TPM2: variants seen among roughly 807,000 people sequenced by gnomAD.
TPM2 encodes tropomyosin 2, also known as tropomyosin beta chain.
TPM2 carries 26 observed loss-of-function variants against 41.0 expected under a neutral mutation model. The ratio of observed to expected loss-of-function variants is 0.63; its 90% CI spans 0.46 to 0.88. The LOEUF is 0.88. Among genes scored for constraint, TPM2 ranks in the 40% least tolerant of loss-of-function variants. TPM2 has a pLI of 0.00. For missense variants in TPM2, 187 were observed against 355.2 expected (o/e 0.53, Z 3.81); for synonymous variants, 143 against 139.3 (o/e 1.03, Z -0.19).
Position 35,683,251 on chromosome 9 carries a change from G to GT in TPM2, c.773-11dup. On this transcript the variant is annotated splice_polypyrimidine_tract_variant and intron_variant, in intron 8 of 8. Coordinates refer to ENST00000645482, the MANE Select transcript of TPM2 (RefSeq NM_003289.4). ...TGGGCATAGACTTCATCTGGGGGGG[G>GT]TCCAGGGAGGGGACCAGGTGGGAGT... 1 of 1,547,878 alleles carries GT rather than the reference G, an allele frequency of 6.5e-7. No individual in the cohort carries two copies. The highest frequency in any genetic ancestry group is 8.8e-7 in the Non-Finnish European group (1 of 1,142,630).
At position 35,689,163 on chromosome 9, in the gene TPM2, C is replaced by T. The variant is rs746060832; in HGVS notation, c.223G>A (p.Glu75Lys). The T allele has an allele frequency of 4.3e-6, 7 of 1,614,204 alleles. No homozygotes were observed. Among genetic ancestry groups the T allele is most frequent in the South Asian group, 1.1e-5 (1 of 91,088 alleles). The change falls in exon 2 of 9, where the codon GAG becomes AAG. Residue 75 changes from glutamate (E) to lysine (K), a missense_variant. Transcript: ENST00000645482. ...KEAQEKLEQA[E>K]KKATDAEADV... ...ACACTCACATCAGTGGCCTTCTTCTCGGCCTGCTCCAGTTTCTCCTGGGCC... is the reference window on the plus strand; with the variant it reads ...ACACTCACATCAGTGGCCTTCTTCTTGGCCTGCTCCAGTTTCTCCTGGGCC...
chr9:35,685,896 G>C lies in TPM2; in HGVS notation c.241-116C>G. The C allele has an allele frequency of 2.0e-6, 3 of 1,528,534 alleles. No homozygotes were observed. The highest frequency in any genetic ancestry group is 1.8e-5 in the Admixed American group (1 of 55,906). 94.7% of individuals were successfully genotyped at this position (1,528,534 alleles called of 1,614,324 possible). A position where few individuals can be genotyped will look rare whatever the true frequency, so the allele number is the denominator to read the frequency against. On this transcript the variant is annotated intron_variant, in intron 2 of 8. Coordinates refer to ENST00000645482, the MANE Select transcript of TPM2 (RefSeq NM_003289.4). This position sits in a 1 kb window ranked among gnomAD's most constrained non-coding sequence, Gnocchi z 5.0. ...AAGAACTGAGGCTTCCTGGTTTCTAGACATTCTATGTGATTTTTCCCCAAC... is the reference window on the plus strand; with the variant it reads ...AAGAACTGAGGCTTCCTGGTTTCTACACATTCTATGTGATTTTTCCCCAAC...
Position 35,689,179 on chromosome 9 carries a change from C to A in TPM2, c.207G>T (p.Glu69Asp), listed in dbSNP as rs1482939090. The A allele has an allele frequency of 6.2e-7, 1 of 1,614,058 alleles. No homozygotes were observed. The highest frequency in any genetic ancestry group is 8.5e-7 in the Non-Finnish European group (1 of 1,180,024). Residue 69 changes from glutamate to aspartate, a missense_variant, in exon 2 of 9, where the codon GAG becomes GAT. Glu to Asp is a conservative substitution (Grantham distance 45). Transcript: ENST00000645482. Reference protein sequence around the residue: ...KYSESVKEAQEKLEQAEKKAT... With the variant: ...KYSESVKEAQDKLEQAEKKAT... ...CCTTCTTCTCGGCCTGCTCCAGTTT[C>A]TCCTGGGCCTCCTTCACGGATTCAG...
At chr9:35,687,431 TGGAAA>T (rs1352083314) in intron 2 of TPM2, among the ~76,000 whole-genome samples, 3 of 148,178 alleles carry the variant, frequency 2.0e-5, no homozygotes, top group African/African-American at 7.5e-5. Context: ...GATTTCAGAG[TGGAAA>T]GGAGAGAGGA....
At chr9:35,684,643 C>G (rs992212097) in intron 6 of TPM2, 89 bp downstream of exon 6, 2 of 1,613,132 alleles carry the variant, frequency 1.2e-6, no homozygotes, top group East Asian at 4.5e-5. Context: ...ATCTTGCCTC[C>G]GTTGAACACC....
At chr9:35,687,984 G>A (rs534163131) in intron 2 of TPM2, among the ~76,000 whole-genome samples, 3 of 152,266 alleles carry the variant, frequency 2.0e-5, no homozygotes, top group South Asian at 4.1e-4. Flanking sequence ...AAGGTCACCA[G>A]GAAGCTTGGG....
chr9:35,684,337 G>A, intron 7 of TPM2, 22 bp from the exon 8 acceptor site: 1 of 1,614,014 alleles, frequency 6.2e-7, no homozygotes, highest in Non-Finnish European at 8.5e-7. Context: ...GGCAGGATGG[G>A]AGAAATGGCA....
chr9:35,684,611 T>C lies in TPM2; in HGVS notation c.640-61A>G, dbSNP rs926684222. 1.2e-5 allele frequency: 20 copies of C among 1,613,476 alleles called. No individual in the cohort carries two copies. In the East Asian group the frequency reaches 4.2e-4, roughly 34 times the overall value. On this transcript the variant is annotated intron_variant, in intron 6 of 8. Transcript: ENST00000645482. ...TACCACAGATCCTTCATTTCTCCAT[T>C]GTACCCCGTAGGCTCCTGGTCATCT...
In TPM2 at chr9:35,685,834, C is replaced by G. The variant is rs886805660; in HGVS notation, c.241-54G>C. ...GGCCTTGTTAGCCTTGGATAAGGATCAGAGAGGCTCCAGAGGATGGCGAGA... is the reference window on the plus strand; with the variant it reads ...GGCCTTGTTAGCCTTGGATAAGGATGAGAGAGGCTCCAGAGGATGGCGAGA... On this transcript the variant is annotated intron_variant, in intron 2 of 8. Coordinates refer to ENST00000645482, the MANE Select transcript of TPM2 (RefSeq NM_003289.4). This position sits in a 1 kb window ranked among gnomAD's most constrained non-coding sequence, Gnocchi z 5.0. 97 of 1,612,730 alleles carry G rather than the reference C, an allele frequency of 6.0e-5. No individual in the cohort carries two copies. Among genetic ancestry groups the G allele is most frequent in the African/African-American group, 1.9e-4 (14 of 74,892 alleles).
intron 2 of TPM2, chr9:35,686,237 C>T (rs552052426): frequency 1.1e-3 from 268 of 239,414 alleles, no homozygotes; most frequent in African/African-American, 1.2e-3. Flanking sequence ...GTAAAAAGAA[C>T]GAAACTCCAT....
chr9:35,683,179 T>G lies in TPM2; in HGVS notation c.835A>C (p.Asn279His). Residue 279 changes from asparagine (N) to histidine (H), a missense_variant, in exon 9 of 9, where the codon AAT (asparagine) becomes CAT (histidine). Transcript: ENST00000645482. ...GGGGCTCAGAGGGAGGTGATGTCAT[T>G]GAGTGCGTTGTCCAGTTCCTCGCTA... is the stretch of plus-strand genomic sequence containing the variant. ...AISEELDNALNDITSL is the reference protein window; with the variant it reads ...AISEELDNALHDITSL 5 of 1,556,860 alleles carry G rather than the reference T, an allele frequency of 3.2e-6. No homozygotes were observed. Among genetic ancestry groups the G allele is most frequent in the Non-Finnish European group, 4.4e-6 (5 of 1,148,972 alleles).
chr9:35,689,031 C>T, intron 2 of TPM2, 115 bp downstream of exon 2: 6 of 1,263,412 alleles, frequency 4.7e-6, no homozygotes, highest in Non-Finnish European at 6.9e-6. Flanking sequence ...AACCATTTCT[C>T]TCCTGGCGCT....
rs1825134949 is a variant in TPM2, at chr9:35,689,587, C to T, written c.114+117G>A. 3.8e-6 allele frequency: 6 copies of T among 1,570,888 alleles called. No individual in the cohort carries two copies. The Admixed American group carries it at 1.0e-4, about 27-fold the overall frequency. ...CTGAGGGTACTGCGAAGGCCCAGCC[C>T]CCACCCTGGGTGAGAGAGAGCCTTG... On this transcript the variant is annotated intron_variant, in intron 1 of 8. Transcript: ENST00000645482.
At chr9:35,689,653 A>G (rs780379102) in intron 1 of TPM2, 51 bp downstream of exon 1, 2 of 1,605,594 alleles carry the variant, frequency 1.2e-6, no homozygotes, top group Non-Finnish European at 8.5e-7. Context: ...GCAGCGGCCC[A>G]CCCTTGCCCT....
chr9:35,683,995 T>C lies in TPM2; in HGVS notation c.772+251A>G, dbSNP rs897048795. 20 of 514,458 alleles carry C rather than the reference T, an allele frequency of 3.9e-5. No individual in the cohort carries two copies. The Admixed American group carries it at 6.3e-4, about 16-fold the overall frequency. 31.9% of individuals were successfully genotyped at this position (514,458 alleles called of 1,614,324 possible). A position where few individuals can be genotyped will look rare whatever the true frequency, so the allele number is the denominator to read the frequency against. On this transcript the variant is annotated intron_variant, in intron 8 of 8. Coordinates refer to ENST00000645482, the MANE Select transcript of TPM2 (RefSeq NM_003289.4). ...AGTCAGCAATCTCTTTGGGGCAGAG[T>C]CAAGGAATCTGTTTTTAAAACTCTC...
chr9:35,684,670 T>G, intron 6 of TPM2, 62 bp downstream of exon 6: 1 of 1,613,684 alleles, frequency 6.2e-7, no homozygotes, highest in Non-Finnish European at 8.5e-7. Flanking sequence ...CTCCCTGCCT[T>G]GGGCCCCTCA....
chr9:35,682,046 G>A (rs1824594169), downstream of TPM2: 3 of 1,609,324 alleles, frequency 1.9e-6, no homozygotes, highest in African/African-American at 4.0e-5. Flanking sequence ...GGGTTGGGGT[G>A]GCAACCATAG....
intron 2 of TPM2, among the ~76,000 whole-genome samples, chr9:35,686,704 C>G (rs1276408649): frequency 6.6e-6 from 1 of 151,898 alleles, no homozygotes; most frequent in Non-Finnish European, 1.5e-5. Context: ...AGGCAGACTC[C>G]CAGCAAGAAG....
chr9:35,685,296 G>A lies in TPM2; in HGVS notation c.536C>T (p.Ser179Leu), dbSNP rs150120234. ...CTCGGCCACCTCAGCCCTCTCCTCC[G>A]AGCGCTCCAGCTCTCCTTCCAGGAT... ...LVILEGELER[S>L]EERAEVAESK... Residue 179 changes from serine to leucine, a missense_variant, in exon 5 of 9, where the codon TCG (serine) becomes TTG (leucine). Physicochemically the swap from Ser to Leu is moderately radical, Grantham distance 145. Coordinates refer to ENST00000645482, the MANE Select transcript of TPM2 (RefSeq NM_003289.4). This position sits in a 1 kb window ranked among gnomAD's most constrained non-coding sequence, Gnocchi z 5.0. The A allele has an allele frequency of 4.6e-5, 74 of 1,614,030 alleles. No individual in the cohort carries two copies. In the African/African-American group the frequency reaches 6.5e-4, roughly 14 times the overall value.
Sources: allele counts gnomAD v4.1 joint callset (sites outside exome capture counted in the v4.1 genomes callset), GRCh38; gene constraint gnomAD v4.1.1; non-coding constraint Gnocchi (gnomAD v3.1); transcripts MANE v1.5; gene names NCBI Gene and HGNC (gene_info 2026-07-23, HGNC 2026-07-21).